The following FAT3 variants were observed in gnomAD, a reference collection of about 807,000 sequenced individuals.
The protein encoded by FAT3 is FAT atypical cadherin 3.
A neutral mutation model predicts 310.2 loss-of-function variants in FAT3; 95 were observed. The observed-to-expected ratio is 0.31, with a 90% CI of 0.26 to 0.36. FAT3 has a LOEUF of 0.36. Among genes scored for constraint, FAT3 ranks in the 10% least tolerant of loss-of-function variants. The pLI, the probability that FAT3 is intolerant of heterozygous loss-of-function variation, is 1.00. For synonymous variants in FAT3, 2,314 were observed against 2,192.9 expected, an observed-to-expected ratio of 1.06 and a Z score of -1.54; for missense variants, 5,408 against 5,715.6, an observed-to-expected ratio of 0.95 and a Z score of 1.74.
intron 3 of FAT3, among the ~76,000 whole-genome samples, chr11:92,693,555 A>G (rs989368342): frequency 2.6e-5 from 4 of 152,206 alleles, no homozygotes; most frequent in African/African-American, 9.7e-5. Context: ...CAAAGTTATT[A>G]TAAATGAAGA....
chr11:92,321,725 G>A (rs1947625426), intron 1 of FAT3, among the ~76,000 whole-genome samples: 1 of 152,160 alleles, frequency 6.6e-6, no homozygotes, highest in African/African-American at 2.4e-5. Context: ...TGTAGACTTG[G>A]GGGTGCAGCT....
At chr11:92,789,899 G>T in intron 7 of FAT3, 44 bp from the exon 8 acceptor site, 1 of 1,599,470 alleles carries the variant, frequency 6.3e-7, no homozygotes, top group Non-Finnish European at 8.5e-7. Context: ...TTAGCAGTGA[G>T]CAAATTGGCA....
At chr11:92,521,807 C>T (rs567216148) in intron 2 of FAT3, among the ~76,000 whole-genome samples, 32 of 152,256 alleles carry the variant, frequency 2.1e-4, no homozygotes, top group African/African-American at 7.2e-4. Context: ...GATCTCACAG[C>T]ACATTATGGA....
chr11:92,731,606 A>C (rs1945180439), intron 4 of FAT3, among the ~76,000 whole-genome samples: 1 of 152,112 alleles, frequency 6.6e-6, no homozygotes, highest in South Asian at 2.1e-4. Context: ...ATGCATAGCA[A>C]ATGGCTTTCA....
At chr11:92,760,009 G>A (rs892876020) in intron 4 of FAT3, among the ~76,000 whole-genome samples, 1 of 152,092 alleles carries the variant, frequency 6.6e-6, no homozygotes, top group African/African-American at 2.4e-5. Flanking sequence ...CAATATGTTT[G>A]GTCAACACAG....
chr11:92,273,344 C>A (rs138167607), intron 1 of FAT3, among the ~76,000 whole-genome samples: 1 of 152,046 alleles, frequency 6.6e-6, no homozygotes, highest in Admixed American at 6.6e-5. Flanking sequence ...TGCCTCATCT[C>A]CCTCCTCCCT....
intron 1 of FAT3, chr11:92,336,104 G>T: frequency 1.9e-6 from 1 of 521,128 alleles, no homozygotes; most frequent in Non-Finnish European, 3.8e-6. Flanking sequence ...GAAGGTCTTT[G>T]GCCTCTCGGT....
chr11:92,730,218 G>A (rs1945136502), intron 4 of FAT3, among the ~76,000 whole-genome samples: 2 of 152,172 alleles, frequency 1.3e-5, no homozygotes, highest in South Asian at 4.2e-4. Context: ...CATGCCTGTA[G>A]TCCTAGCTAC....
rs1047496358 is a variant in FAT3 at position 92,892,298 on chromosome 11, A to G, written c.*1185A>G. 3 of 152,202 alleles carry G rather than the reference A, an allele frequency of 2.0e-5. No individual in the cohort carries two copies. In the South Asian group the frequency reaches 6.2e-4, roughly 31 times the overall value. The allele number at this position is 152,202 out of a possible 1,614,324, so 9.4% of individuals were successfully genotyped here. On this transcript the variant is annotated 3_prime_UTR_variant, in exon 28 of 28. Transcript: ENST00000525166. Reference sequence around the variant, plus strand: ...CATGTTGAAAATTCTGCCGGCGAGCATGGCATACCTTTCAATTTCTCTGAT... The same window carrying G: ...CATGTTGAAAATTCTGCCGGCGAGCGTGGCATACCTTTCAATTTCTCTGAT...
At chr11:92,838,115 G>T (rs1366039783) in intron 17 of FAT3, among the ~76,000 whole-genome samples, 2 of 152,166 alleles carry the variant, frequency 1.3e-5, no homozygotes, top group African/African-American at 4.8e-5. Flanking sequence ...GGATCTGTGA[G>T]GTTAAGTAAT....
intron 2 of FAT3, among the ~76,000 whole-genome samples, chr11:92,452,443 G>T (rs1310367876): frequency 6.6e-6 from 1 of 152,128 alleles, no homozygotes; most frequent in Non-Finnish European, 1.5e-5. Context: ...ATTAGTGGAG[G>T]TCCTTCGAAA....
At chr11:92,639,006 A>C (rs1941865860) in intron 3 of FAT3, among the ~76,000 whole-genome samples, 2 of 152,146 alleles carry the variant, frequency 1.3e-5, no homozygotes, top group South Asian at 4.1e-4. Context: ...TTATTCTCCC[A>C]TTTACCCACA....
intron 11 of FAT3, 98 bp from the exon 12 acceptor site, chr11:92,806,264 T>C: frequency 9.0e-7 from 1 of 1,109,300 alleles, no homozygotes; most frequent in East Asian, 2.6e-5. Context: ...AGCTAAATTA[T>C]ATAAATGAAT....
intron 3 of FAT3, among the ~76,000 whole-genome samples, chr11:92,672,144 T>C (rs1015631238): frequency 2.6e-5 from 4 of 152,104 alleles, no homozygotes; most frequent in Non-Finnish European, 5.9e-5. Flanking sequence ...ATAAATATTT[T>C]TTAAATAACG....
intron 3 of FAT3, among the ~76,000 whole-genome samples, chr11:92,595,482 C>G (rs1939657239): frequency 6.6e-6 from 1 of 152,174 alleles, no homozygotes. Flanking sequence ...GTCCACAACA[C>G]AAATTGCTTT....
At chr11:92,692,331 C>A (rs958058938) in intron 3 of FAT3, among the ~76,000 whole-genome samples, 1 of 152,128 alleles carries the variant, frequency 6.6e-6, no homozygotes, top group Non-Finnish European at 1.5e-5. Context: ...TGCTTGGTAC[C>A]TACAATGTGC....
chr11:92,708,244 A>G (rs1944416229), intron 4 of FAT3, among the ~76,000 whole-genome samples: 1 of 152,228 alleles, frequency 6.6e-6, no homozygotes, highest in African/African-American at 2.4e-5. Flanking sequence ...AATTTTTGGG[A>G]GTGTAGAACT....
intron 1 of FAT3, among the ~76,000 whole-genome samples, chr11:92,227,984 T>C (rs1284296231): frequency 1.3e-5 from 2 of 152,154 alleles, no homozygotes; most frequent in Non-Finnish European, 2.9e-5. Context: ...CGAATGTTGA[T>C]ATTCAATCAT....
rs1309818755 is a variant in FAT3 at position 92,892,084 on chromosome 11, T to C, written c.*971T>C. 6.6e-6 allele frequency: 1 copy of C among 152,062 alleles called. No homozygotes were observed. The highest frequency in any genetic ancestry group is 1.9e-4 in the East Asian group (1 of 5,192). The allele number at this position is 152,062 out of a possible 1,614,324, so 9.4% of individuals were successfully genotyped here. A position where few individuals can be genotyped will look rare whatever the true frequency, so the allele number is the denominator to read the frequency against. On this transcript the variant is annotated 3_prime_UTR_variant, in exon 28 of 28. Coordinates refer to ENST00000525166, the MANE Select transcript of FAT3 (RefSeq NM_001367949.2). ...AATTCTTCATAATGCAGAGGAAAGG[T>C]GTCTGTTATTCTAAATCGGTAGCAT...
Sources: gnomAD v4.1 joint callset for allele counts (sites outside exome capture counted in the v4.1 genomes callset) on GRCh38, gnomAD v4.1.1 for gene constraint, MANE v1.5 for transcripts, NCBI Gene and HGNC (gene_info 2026-07-23, HGNC 2026-07-21) for gene names.